IMPG1: variants seen among roughly 807,000 people sequenced by gnomAD.
IMPG1 encodes the protein interphotoreceptor matrix proteoglycan 1, also known as interphotoreceptor matrix proteoglycan of 150 kDa.
A neutral mutation model predicts 92.0 loss-of-function variants in IMPG1; 85 were observed. The observed-to-expected ratio is 0.92, with a 90% CI of 0.78 to 1.11. IMPG1 has a LOEUF of 1.11. IMPG1 is among the 50% of genes least tolerant of loss of function. IMPG1 has a pLI of 0.00. For missense variants in IMPG1, 1,022 were observed against 956.0 expected, an observed-to-expected ratio of 1.07 and a Z score of -0.91; for synonymous variants, 367 against 334.1, an observed-to-expected ratio of 1.10 and a Z score of -1.08.
At chr6:76,034,520 T>C in intron 3 of IMPG1, 101 bp downstream of exon 3, 4 of 1,342,560 alleles carry the variant, frequency 3.0e-6, no homozygotes, top group Non-Finnish European at 4.2e-6. Context: ...ACTTCTTCAA[T>C]TAACCCTTAC....
intron 15 of IMPG1, among the ~76,000 whole-genome samples, chr6:75,925,805 A>G (rs13200739): frequency 0.39 from 59,411 of 151,960 alleles, 12,597 homozygotes; most frequent in Non-Finnish European, 0.5. Flanking sequence ...AGCTGAGATT[A>G]CAGGCACATG....
At chr6:75,982,955 C>T (rs775346234) in intron 12 of IMPG1, among the ~76,000 whole-genome samples, 15 of 151,862 alleles carry the variant, frequency 9.9e-5, no homozygotes, top group Admixed American at 3.9e-4. Flanking sequence ...GTCAGTCATC[C>T]CTTCATCTAG....
intron 10 of IMPG1, among the ~76,000 whole-genome samples, chr6:76,004,536 C>T (rs1247372309): frequency 2.0e-5 from 3 of 152,130 alleles, no homozygotes; most frequent in African/African-American, 7.2e-5. Context: ...ACAGAACTGG[C>T]AGAAAATGAC....
chr6:76,026,028 C>A (rs1208486374), intron 4 of IMPG1, among the ~76,000 whole-genome samples: 1 of 152,180 alleles, frequency 6.6e-6, no homozygotes, highest in Non-Finnish European at 1.5e-5. Flanking sequence ...GTGCAGTTTG[C>A]AGTGGGGAGG....
At chr6:76,064,752 A>G (rs1784278563) in intron 1 of IMPG1, among the ~76,000 whole-genome samples, 1 of 152,166 alleles carries the variant, frequency 6.6e-6, no homozygotes, top group Non-Finnish European at 1.5e-5. Flanking sequence ...GTAAACAAAG[A>G]TCAAGCATAT....
At chr6:76,036,069 C>T (rs1293320561) in intron 2 of IMPG1, among the ~76,000 whole-genome samples, 1 of 152,108 alleles carries the variant, frequency 6.6e-6, no homozygotes, top group Non-Finnish European at 1.5e-5. Context: ...CATCTGTTCC[C>T]ATCTACTTAT....
At chr6:76,057,374 G>C (rs925164635) in intron 1 of IMPG1, among the ~76,000 whole-genome samples, 1 of 152,144 alleles carries the variant, frequency 6.6e-6, no homozygotes, top group African/African-American at 2.4e-5. Context: ...GTAGCAGTGG[G>C]GACCGGGGTG....
chr6:76,071,309 C>A (rs1181911950), intron 1 of IMPG1, among the ~76,000 whole-genome samples: 1 of 150,316 alleles, frequency 6.7e-6, no homozygotes, highest in Non-Finnish European at 1.5e-5. Context: ...TTGATCAAGT[C>A]TACGAAATAG....
At chr6:75,922,409 G>GAT (rs1304569597) in intron 16 of IMPG1, among the ~76,000 whole-genome samples, 8 of 152,160 alleles carry the variant, frequency 5.3e-5, no homozygotes, top group Non-Finnish European at 8.8e-5. Flanking sequence ...AGGAGTGGCA[G>GAT]ATAGTCTGTG....
At chr6:75,924,233 A>T (rs1003377389) in intron 15 of IMPG1, among the ~76,000 whole-genome samples, 15 of 150,414 alleles carry the variant, frequency 1.0e-4, no homozygotes, top group Non-Finnish European at 1.9e-4. Flanking sequence ...GAGCAATCCC[A>T]CTACTGGATA....
intron 12 of IMPG1, among the ~76,000 whole-genome samples, chr6:75,969,998 T>A (rs1782378070): frequency 6.6e-6 from 1 of 152,214 alleles, no homozygotes; most frequent in Non-Finnish European, 1.5e-5. Context: ...TAGATGTTTC[T>A]ATGAGGTTAC....
intron 12 of IMPG1, among the ~76,000 whole-genome samples, chr6:75,982,568 T>C (rs1782645338): frequency 6.6e-6 from 1 of 150,504 alleles, no homozygotes; most frequent in Non-Finnish European, 1.5e-5. Context: ...TATCTATATA[T>C]CTATATAGAT....
At chr6:76,063,742 T>C (rs1784249922) in intron 1 of IMPG1, among the ~76,000 whole-genome samples, 1 of 152,200 alleles carries the variant, frequency 6.6e-6, no homozygotes, top group African/African-American at 2.4e-5. Context: ...TCTGCTAAAA[T>C]TGCAGCAGCC....
chr6:75,931,640 G>T (rs1014024443), intron 14 of IMPG1, among the ~76,000 whole-genome samples: 1 of 152,014 alleles, frequency 6.6e-6, no homozygotes, highest in Non-Finnish European at 1.5e-5. Flanking sequence ...GAACAGTTTT[G>T]AGAACTCAGG....
chr6:75,931,706 G>A lies in IMPG1; in HGVS notation c.2045-555C>T, dbSNP rs118104547. 6.1e-4 allele frequency among the ~76,000 whole-genome samples: 93 copies of A among 152,250 alleles called. 2 individuals carry two copies. In the East Asian group the frequency reaches 0.013, roughly 21 times the overall value. On this transcript the variant is annotated intron_variant, in intron 14 of 16. Transcript: ENST00000369950. The stretch of plus-strand genomic sequence containing the variant: ...CTTGGTCTCTTGCTAAGGCCCTAAT[G>A]TTAGAGAGTCATTCTTTTGGATTAA...
intron 9 of IMPG1, among the ~76,000 whole-genome samples, chr6:76,007,184 C>T (rs1886984): frequency 0.47 from 71,295 of 151,972 alleles, 17,700 homozygotes; most frequent in Non-Finnish European, 0.56. Context: ...ATAAATTATG[C>T]TTGCAGCACA....
At chr6:76,037,451 T>C (rs746745901) in intron 2 of IMPG1, among the ~76,000 whole-genome samples, 1 of 152,246 alleles carries the variant, frequency 6.6e-6, no homozygotes, top group Non-Finnish European at 1.5e-5. Flanking sequence ...ATACCTCACC[T>C]TGCAGAATTC....
intron 1 of IMPG1, among the ~76,000 whole-genome samples, chr6:76,061,647 A>C (rs560900048): frequency 1.3e-5 from 2 of 152,358 alleles, no homozygotes; most frequent in South Asian, 4.1e-4. Context: ...GTAATGTAAA[A>C]GACACATACT....
intron 4 of IMPG1, among the ~76,000 whole-genome samples, chr6:76,026,414 G>GC (rs928653906): frequency 6.6e-6 from 1 of 152,156 alleles, no homozygotes; most frequent in Non-Finnish European, 1.5e-5. Context: ...GGGAAACCAT[G>GC]CCCCCATACC....
Sources: allele counts gnomAD v4.1 joint callset (sites outside exome capture counted in the v4.1 genomes callset), GRCh38; gene constraint gnomAD v4.1.1; transcripts MANE v1.5; gene names NCBI Gene and HGNC (gene_info 2026-07-23, HGNC 2026-07-21).